The following TMTC1 variants were observed in gnomAD, a reference collection of about 807,000 sequenced individuals.
The protein encoded by TMTC1 is transmembrane O-mannosyltransferase targeting cadherins 1, also known as protein O-mannosyl-transferase TMTC1.
A neutral mutation model predicts 104.8 loss-of-function variants in TMTC1; 73 were observed. The ratio of observed to expected loss-of-function variants is 0.70; its 90% CI spans 0.58 to 0.85. TMTC1 has a LOEUF of 0.85. Among genes scored for constraint, TMTC1 ranks in the 40% least tolerant of loss-of-function variants. TMTC1 has a pLI of 0.00. For synonymous variants in TMTC1, 434 were observed against 428.7 expected, an observed-to-expected ratio of 1.01 and a Z score of -0.15; for missense variants, 1,035 against 1,096.1, an observed-to-expected ratio of 0.94 and a Z score of 0.79.
intron 5 of TMTC1, among the ~76,000 whole-genome samples, chr12:29,747,479 T>C (rs1942982762): frequency 6.6e-6 from 1 of 152,222 alleles, no homozygotes; most frequent in Admixed American, 6.5e-5. Context: ...GCTTAGATTT[T>C]TCCCTGTATT....
At chr12:29,592,513 T>C (rs753576021) in intron 7 of TMTC1, among the ~76,000 whole-genome samples, 4 of 152,268 alleles carry the variant, frequency 2.6e-5, no homozygotes, top group Non-Finnish European at 4.4e-5. Context: ...TACGGCACAA[T>C]TGGGAGAAAA....
At chr12:29,703,679 T>C (rs1331967038) in intron 5 of TMTC1, among the ~76,000 whole-genome samples, 2 of 152,168 alleles carry the variant, frequency 1.3e-5, no homozygotes, top group East Asian at 3.9e-4. Context: ...GCAGACATCA[T>C]CCAGTTCCAC....
At chr12:29,546,973 T>C (rs1361157490) in intron 10 of TMTC1, among the ~76,000 whole-genome samples, 1 of 152,108 alleles carries the variant, frequency 6.6e-6, no homozygotes, top group Non-Finnish European at 1.5e-5. Context: ...TCTTGAGTCA[T>C]CCCAAGTCTT....
At position 29,783,850 on chromosome 12, in the gene TMTC1, C is replaced by G; in HGVS notation, c.-99G>C. 1 of 1,034,440 alleles carries G rather than the reference C, an allele frequency of 9.7e-7. No homozygotes were observed. The highest frequency in any genetic ancestry group is 1.2e-6 in the Non-Finnish European group (1 of 856,926). The allele number at this position is 1,034,440 out of a possible 1,614,324, so 64.1% of individuals were successfully genotyped here. A position where few individuals can be genotyped will look rare whatever the true frequency, so the allele number is the denominator to read the frequency against. The stretch of plus-strand genomic sequence containing the variant: ...CGCGCGGCGTCTGCCCGGAGGGGGG[C>G]TCGGGCATGGTGCTGCGGCAGCTGG... On this transcript the variant is annotated 5_prime_UTR_variant, in exon 1 of 18. Transcript: ENST00000539277. The surrounding 1 kb of genome is among the most constrained non-coding windows in gnomAD (Gnocchi z 4.7).
At chr12:29,697,881 C>G (rs1018944425) in intron 5 of TMTC1, among the ~76,000 whole-genome samples, 1 of 151,978 alleles carries the variant, frequency 6.6e-6, no homozygotes, top group African/African-American at 2.4e-5. Context: ...TACTCCCAAC[C>G]AAAAAAAGAA....
Position 29,536,191 on chromosome 12 carries a change from A to G in TMTC1, c.1785+18T>C, listed in dbSNP as rs763098992. 2 of 1,484,114 alleles carry G rather than the reference A, an allele frequency of 1.3e-6. No homozygotes were observed. The highest frequency in any genetic ancestry group is 4.5e-5 in the East Asian group (2 of 44,202). The allele number at this position is 1,484,114 out of a possible 1,614,324, so 91.9% of individuals were successfully genotyped here. A position where few individuals can be genotyped will look rare whatever the true frequency, so the allele number is the denominator to read the frequency against. ...TGTAACAATAACATTGAAAAAAACT[A>G]CTGTGTGAAACAATTACCTGCTCAG... On this transcript the variant is annotated intron_variant, in intron 11 of 17. Transcript: ENST00000539277.
intron 9 of TMTC1, among the ~76,000 whole-genome samples, chr12:29,570,786 G>T (rs1945645247): frequency 6.6e-6 from 1 of 151,554 alleles, no homozygotes; most frequent in Non-Finnish European, 1.5e-5. Flanking sequence ...AGAGGTTTCA[G>T]TGAACCAAGA....
chr12:29,503,177 T>C lies in TMTC1; in HGVS notation c.*3669A>G, dbSNP rs538128172. 1 of 152,344 alleles carries C rather than the reference T, an allele frequency of 6.6e-6. No homozygotes were observed. Among genetic ancestry groups the C allele is most frequent in the African/African-American group, 2.4e-5 (1 of 41,584 alleles). The allele number at this position is 152,344 out of a possible 1,614,324, so 9.4% of individuals were successfully genotyped here. A position where few individuals can be genotyped will look rare whatever the true frequency, so the allele number is the denominator to read the frequency against. On this transcript the variant is annotated 3_prime_UTR_variant, in exon 18 of 18. Transcript: ENST00000539277. ...AATTTCAGAATCTTATGCTAAGGGT[T>C]GTGAAGTACTGCAGGAGGTTGGAAT... is the stretch of plus-strand genomic sequence containing the variant.
At chr12:29,707,728 T>A (rs1419674506) in intron 5 of TMTC1, among the ~76,000 whole-genome samples, 2 of 152,204 alleles carry the variant, frequency 1.3e-5, no homozygotes, top group Non-Finnish European at 2.9e-5. Context: ...CTTTCTCTTA[T>A]CCCTCTTCCA....
chr12:29,728,329 G>C (rs1053680118), intron 5 of TMTC1, among the ~76,000 whole-genome samples: 1 of 152,136 alleles, frequency 6.6e-6, no homozygotes, highest in African/African-American at 2.4e-5. Context: ...ACGTGGGGAG[G>C]AGGAGGCCAC....
intron 8 of TMTC1, among the ~76,000 whole-genome samples, chr12:29,572,503 T>C (rs974770613): frequency 6.6e-6 from 1 of 152,226 alleles, no homozygotes; most frequent in Non-Finnish European, 1.5e-5. Flanking sequence ...GGACCTTTGT[T>C]GTGCCAGAGA....
Position 29,633,355 on chromosome 12 carries a change from TCACTGAAA to T in TMTC1, c.939-27_939-20del. ...GAGGAATCTATAAAGAGAAGAAGAA[TCACTGAAA>T]CACTGCTCAAGAACCATGACATTCT... is the stretch of plus-strand genomic sequence containing the variant. On this transcript the variant is annotated intron_variant, in intron 5 of 17. Transcript: ENST00000539277. 6.3e-7 allele frequency: 1 copy of T among 1,581,046 alleles called. No homozygotes were observed. The highest frequency in any genetic ancestry group is 8.6e-7 in the Non-Finnish European group (1 of 1,157,478).
At chr12:29,518,435 C>A in intron 13 of TMTC1, 37 bp downstream of exon 13, 1 of 1,599,946 alleles carries the variant, frequency 6.3e-7, no homozygotes, top group South Asian at 1.1e-5. Context: ...TGCTGAGGTT[C>A]CTGGGCAACT....
chr12:29,702,637 C>T (rs1352745753), intron 5 of TMTC1, among the ~76,000 whole-genome samples: 2 of 152,180 alleles, frequency 1.3e-5, no homozygotes, highest in Non-Finnish European at 2.9e-5. Context: ...AAGCGCAGTG[C>T]ACACTCAATG....
At chr12:29,597,394 G>A (rs531433514) in intron 7 of TMTC1, among the ~76,000 whole-genome samples, 30 of 151,748 alleles carry the variant, frequency 2.0e-4, no homozygotes, top group Non-Finnish European at 1.5e-4. Context: ...GAACGTCTAC[G>A]CATCACCTGT....
At chr12:29,633,380 T>A (rs748271636) in intron 5 of TMTC1, 44 bp from the exon 6 acceptor site, 39 of 1,489,876 alleles carry the variant, frequency 2.6e-5, no homozygotes, top group Non-Finnish European at 3.5e-5. Flanking sequence ...TCAAGAACCA[T>A]GACATTCTGT....
intron 7 of TMTC1, among the ~76,000 whole-genome samples, chr12:29,594,770 C>T (rs1220413731): frequency 6.6e-6 from 1 of 152,214 alleles, no homozygotes; most frequent in Non-Finnish European, 1.5e-5. Flanking sequence ...TTGAGTCTCT[C>T]TCTTCCATCC....
At chr12:29,714,269 A>C (rs774417442) in intron 5 of TMTC1, among the ~76,000 whole-genome samples, 4 of 152,322 alleles carry the variant, frequency 2.6e-5, no homozygotes, top group Non-Finnish European at 4.4e-5. Flanking sequence ...CAATTCAAAC[A>C]ATCATTTAAG....
chr12:29,751,753 G>A lies in TMTC1; in HGVS notation c.851C>T (p.Ala284Val). Residue 284 changes from alanine (A) to valine (V), a missense_variant, in exon 5 of 18, where the codon GCT (alanine) becomes GTT (valine). Physicochemically the swap from Ala to Val is moderately conservative, Grantham distance 64. Coordinates refer to ENST00000539277, the MANE Select transcript of TMTC1 (RefSeq NM_001193451.2). ...GKQQRFPHKG[A>V]WGGCHSPLPP... ...CAGTGGAGAGTGGCAGCCACCCCAA[G>A]CTCCTTTGTGAGGGAACCGCTGCTG... 1.2e-6 allele frequency: 2 copies of A among 1,614,122 alleles called. No individual in the cohort carries two copies. The highest frequency in any genetic ancestry group is 1.7e-6 in the Non-Finnish European group (2 of 1,180,016).
Sources: gnomAD v4.1 joint callset for allele counts (sites outside exome capture counted in the v4.1 genomes callset) on GRCh38, gnomAD v4.1.1 for gene constraint, Gnocchi (gnomAD v3.1) non-coding constraint, MANE v1.5 for transcripts, NCBI Gene and HGNC (gene_info 2026-07-23, HGNC 2026-07-21) for gene names.